The following CCDC57 variants were observed in gnomAD, a reference collection of about 807,000 sequenced individuals.
CCDC57 encodes the protein coiled-coil domain containing 57.
In CCDC57, 118 loss-of-function variants were observed where a neutral mutation model predicts 118.9. The ratio of observed to expected loss-of-function variants is 0.99; its 90% CI spans 0.86 to 1.16. The LOEUF (loss-of-function observed/expected upper bound fraction) is 1.16. Ranked by LOEUF, CCDC57 falls within the 50% of genes most tolerant of loss-of-function variation. CCDC57 has a pLI of 0.00. For synonymous variants in CCDC57, 527 were observed against 532.9 expected, an observed-to-expected ratio of 0.99 and a Z score of 0.15; for missense variants, 1,300 against 1,320.7, an observed-to-expected ratio of 0.98 and a Z score of 0.24.
At chr17:82,138,147 CTT>C (rs569568425) in intron 16 of CCDC57, among the ~76,000 whole-genome samples, 2,917 of 118,154 alleles carry the variant, frequency 0.025, 70 homozygotes, top group African/African-American at 0.078. Flanking sequence ...AGGAGGATCT[CTT>C]TTTTTTTTTT....
At chr17:82,138,038 A>T (rs1008284272) in intron 16 of CCDC57, among the ~76,000 whole-genome samples, 11 of 151,108 alleles carry the variant, frequency 7.3e-5, no homozygotes, top group East Asian at 2.0e-4. Flanking sequence ...AAATCACAAA[A>T]TTTTTTTCTT....
intron 2 of CCDC57, chr17:82,207,461 A>G (rs2049806198): frequency 1.3e-5 from 2 of 152,202 alleles, no homozygotes; most frequent in Non-Finnish European, 2.9e-5. Flanking sequence ...AAGATCAATC[A>G]GTGCTTGAGA....
chr17:82,184,031 G>GCGCGCGCGCGCGCGCGCA, intron 8 of CCDC57, 99 bp from the exon 8 acceptor site: 7 of 125,850 alleles, frequency 5.6e-5, no homozygotes, highest in Admixed American at 3.7e-4. Flanking sequence ...GCGCGCGCGC[G>GCGCGCGCGCGCGCGCGCA]CACACACACA....
intron 14 of CCDC57, among the ~76,000 whole-genome samples, chr17:82,161,524 TAAAC>T (rs967644091): frequency 6.6e-6 from 1 of 152,150 alleles, no homozygotes; most frequent in African/African-American, 2.4e-5. Context: ...GCATGAATGA[TAAAC>T]AAAATGTGAT....
rs776587563 is a variant in CCDC57 at position 82,193,979 on chromosome 17, C to T, written c.776+3G>A. 13 of 1,607,212 alleles carry T rather than the reference C, an allele frequency of 8.1e-6. No homozygotes were observed. Among genetic ancestry groups the T allele is most frequent in the Non-Finnish European group, 1.0e-5 (12 of 1,177,286 alleles). On this transcript the variant is annotated splice_donor_region_variant and intron_variant, in intron 6 of 19. Transcript: ENST00000665763. ...CGCCTCGGGAGATGAAGGACTCGCG[C>T]ACCGGGCGCGGCTCATGGCCTCCAG...
intron 16 of CCDC57, among the ~76,000 whole-genome samples, chr17:82,136,441 GT>G (rs940913200): frequency 1.1e-4 from 17 of 152,126 alleles, no homozygotes; most frequent in African/African-American, 3.9e-4. Flanking sequence ...GCGAATGAGT[GT>G]GGGGTTTCCT....
intron 17 of CCDC57, among the ~76,000 whole-genome samples, chr17:82,133,774 T>C (rs551930627): frequency 5.5e-4 from 83 of 151,772 alleles, no homozygotes; most frequent in South Asian, 2.5e-3. Context: ...CTCAGGAGAA[T>C]TGCTTGAACC....
At chr17:82,185,611 C>G (rs2046829797) in intron 8 of CCDC57, among the ~76,000 whole-genome samples, 1 of 150,606 alleles carries the variant, frequency 6.6e-6, no homozygotes, top group Non-Finnish European at 1.5e-5. Flanking sequence ...AGAGTGAGAC[C>G]TTGTCACAAA....
chr17:82,195,524 G>A (rs1352082738), intron 4 of CCDC57, among the ~76,000 whole-genome samples, 160 bp from the exon 4 acceptor site: 1 of 152,010 alleles, frequency 6.6e-6, no homozygotes, highest in East Asian at 1.9e-4. Flanking sequence ...AGCGACACTG[G>A]TAACAGCACT....
chr17:82,198,200 G>A (rs2048535008), intron 4 of CCDC57, 114 bp downstream of exon 3: 4 of 627,164 alleles, frequency 6.4e-6, no homozygotes, highest in South Asian at 4.0e-5. Flanking sequence ...TACTCCCAAG[G>A]AGAATGCAGG....
At chr17:82,173,598 CCG>C (rs1227892921) in intron 11 of CCDC57, among the ~76,000 whole-genome samples, 1 of 152,138 alleles carries the variant, frequency 6.6e-6, no homozygotes, top group Non-Finnish European at 1.5e-5. Context: ...GAGCTGAAAG[CCG>C]ACATCACAGA....
At chr17:82,188,520 C>T in intron 7 of CCDC57, 101 bp from the exon 7 acceptor site, 1 of 1,198,948 alleles carries the variant, frequency 8.3e-7, no homozygotes, top group Non-Finnish European at 1.1e-6. Context: ...TGCACAGGTG[C>T]TGCTGTATGT....
intron 8 of CCDC57, among the ~76,000 whole-genome samples, chr17:82,186,442 A>G (rs1036494919): frequency 2.6e-5 from 4 of 152,164 alleles, no homozygotes; most frequent in Admixed American, 6.5e-5. Flanking sequence ...CACCCCGTAT[A>G]CCGACCACAG....
intron 11 of CCDC57, among the ~76,000 whole-genome samples, chr17:82,173,116 TG>T (rs1389869573): frequency 2.1e-5 from 3 of 145,164 alleles, no homozygotes; most frequent in African/African-American, 7.5e-5. Context: ...GAAAGTGGAA[TG>T]GGGGTGCTGG....
At chr17:82,160,145 T>C (rs1270544800) in intron 14 of CCDC57, 1 of 152,246 alleles carries the variant, frequency 6.6e-6, no homozygotes, top group Non-Finnish European at 1.5e-5. Flanking sequence ...GCGTGGTTTA[T>C]GTATTTACAA....
At chr17:82,158,848 G>A (rs1457389001) in intron 14 of CCDC57, among the ~76,000 whole-genome samples, 2 of 150,238 alleles carry the variant, frequency 1.3e-5, no homozygotes, top group African/African-American at 2.5e-5. Flanking sequence ...GTGAGCCACC[G>A]CATCCAGCCT....
At chr17:82,201,918 G>A (rs1264176462) in exon 3 of CCDC57, 2 of 1,602,360 alleles carry the variant, frequency 1.2e-6, no homozygotes, top group Non-Finnish European at 8.5e-7. Context: ...GCTCATTCAG[G>A]GCGGGCTCTG....
Position 82,193,966 on chromosome 17 carries a change from TGAA to T in CCDC57, c.776+13_776+15del, listed in dbSNP as rs2047989835. ...CTGCCACAGAGCACGCCTCGGGAGATGAAGGACTCGCGCACCGGGCGCGGCTCA... is the reference window on the plus strand; with the variant it reads ...CTGCCACAGAGCACGCCTCGGGAGATGGACTCGCGCACCGGGCGCGGCTCA... On this transcript the variant is annotated intron_variant, in intron 6 of 19. Transcript: ENST00000665763. 6.2e-7 allele frequency: 1 copy of T among 1,601,418 alleles called. No homozygotes were observed. The highest frequency in any genetic ancestry group is 2.2e-5 in the East Asian group (1 of 44,618).
chr17:82,183,756 C>T lies in CCDC57; in HGVS notation c.1211+18G>A, dbSNP rs375614859. On this transcript the variant is annotated intron_variant, in intron 9 of 19. Coordinates refer to ENST00000665763, the Ensembl canonical transcript of CCDC57. ...CATAGGAGACCCTCAATGGAAACAT[C>T]TGCCTGGGGACAGTTACCTTTCAAT... 2 of 1,549,870 alleles carry T rather than the reference C, an allele frequency of 1.3e-6. No individual in the cohort carries two copies. The highest frequency in any genetic ancestry group is 8.7e-7 in the Non-Finnish European group (1 of 1,145,840).
Sources: gnomAD v4.1 joint callset for allele counts (sites outside exome capture counted in the v4.1 genomes callset) on GRCh38, gnomAD v4.1.1 for gene constraint, MANE v1.5 for transcripts, NCBI Gene and HGNC (gene_info 2026-07-23, HGNC 2026-07-21) for gene names.